ADGRB3: variants seen among roughly 807,000 people sequenced by gnomAD.
ADGRB3 encodes adhesion G protein-coupled receptor B3.
Under a neutral mutation model 193.4 loss-of-function variants are expected in ADGRB3, and 37 were observed. The ratio of observed to expected loss-of-function variants is 0.19; its 90% CI spans 0.15 to 0.25. ADGRB3 has a LOEUF of 0.25. Ranked by LOEUF, ADGRB3 falls within the 10% of genes least tolerant of loss-of-function variation. The pLI is 1.00. For synonymous variants in ADGRB3, 690 were observed against 644.2 expected (o/e 1.07, Z -1.08); for missense variants, 1,637 against 1,852.9 (o/e 0.88, Z 2.14).
chr6:68,639,571 G>A, intron 3 of ADGRB3, 139 bp downstream of exon 3: 1 of 1,218,472 alleles, frequency 8.2e-7, no homozygotes, highest in Non-Finnish European at 1.1e-6. Context: ...GCTATTCACT[G>A]ATAAAGGTCT....
intron 3 of ADGRB3, among the ~76,000 whole-genome samples, chr6:68,649,534 A>T (rs1768297007): frequency 6.6e-6 from 1 of 152,194 alleles, no homozygotes; most frequent in South Asian, 2.1e-4. Flanking sequence ...TTTTGTATAC[A>T]TAATTTAAAC....
chr6:69,385,515 T>TG (rs1770051734), intron 31 of ADGRB3, among the ~76,000 whole-genome samples: 1 of 152,082 alleles, frequency 6.6e-6, no homozygotes, highest in Non-Finnish European at 1.5e-5. Flanking sequence ...TTTCTACTGA[T>TG]GCAGCTTAAG....
intron 17 of ADGRB3, among the ~76,000 whole-genome samples, chr6:69,219,466 T>TACAC (rs1765844090): frequency 1.4e-5 from 1 of 73,302 alleles, no homozygotes; most frequent in Non-Finnish European, 2.5e-5. Context: ...CACACGTATA[T>TACAC]ATATATATAT....
intron 17 of ADGRB3, among the ~76,000 whole-genome samples, chr6:69,124,886 A>ATTTTTTTTT (rs60143202): frequency 1.3e-5 from 2 of 149,406 alleles, no homozygotes; most frequent in Non-Finnish European, 3.0e-5. Context: ...CAGTTTTGCC[A>ATTTTTTTTT]TTTTTTTTTT....
chr6:68,799,150 G>C (rs377149833), intron 3 of ADGRB3, among the ~76,000 whole-genome samples: 1 of 151,886 alleles, frequency 6.6e-6, no homozygotes, highest in Non-Finnish European at 1.5e-5. Flanking sequence ...AGACAAGATA[G>C]GAAATAAGTA....
chr6:68,897,460 G>GGGAGGAAAGGGAGGGAGGGAT (rs1766252317), intron 3 of ADGRB3, among the ~76,000 whole-genome samples: 1 of 64,610 alleles, frequency 1.5e-5, no homozygotes, highest in Non-Finnish European at 3.4e-5. Context: ...GAGGGAGGGA[G>GGGAGGAAAGGGAGGGAGGGAT]GGAGGAAAGG....
rs12210890 is a variant in ADGRB3, at chr6:69,137,429, C to T, written c.2480+61391C>T. ...TGCTGTGGCAAATCAAACACACACA[C>T]GCAAAAACAAATCAATCAGAAGCTT... On this transcript the variant is annotated intron_variant, in intron 17 of 31. Transcript: ENST00000370598. Among the ~76,000 whole-genome samples the T allele has an allele frequency of 2.8e-3, 423 of 151,550 alleles. 1 individual carries two copies. The highest frequency in any genetic ancestry group is 0.013 in the South Asian group (61 of 4,808).
chr6:69,042,966 A>G (rs1771115070), intron 13 of ADGRB3, among the ~76,000 whole-genome samples: 1 of 152,134 alleles, frequency 6.6e-6, no homozygotes, highest in Admixed American at 6.5e-5. Flanking sequence ...TGTTTCCTTT[A>G]ATCAACTGAG....
intron 3 of ADGRB3, among the ~76,000 whole-genome samples, chr6:68,818,463 T>C (rs926333898): frequency 2.0e-5 from 3 of 151,910 alleles, no homozygotes; most frequent in African/African-American, 7.3e-5. Flanking sequence ...ATGAAAGCAA[T>C]GTTGAAGAAT....
At chr6:69,166,746 G>T (rs944712663) in intron 17 of ADGRB3, among the ~76,000 whole-genome samples, 1 of 152,020 alleles carries the variant, frequency 6.6e-6, no homozygotes, top group African/African-American at 2.4e-5. Context: ...AAATACTAGG[G>T]TTGCATCATT....
At chr6:69,009,491 G>A (rs1430514812) in intron 11 of ADGRB3, among the ~76,000 whole-genome samples, 1 of 152,094 alleles carries the variant, frequency 6.6e-6, no homozygotes, top group Non-Finnish European at 1.5e-5. Flanking sequence ...GAAGTCTAAT[G>A]AACTTGGAGT....
At chr6:69,054,635 G>A (rs1459702820) in intron 15 of ADGRB3, among the ~76,000 whole-genome samples, 2 of 152,112 alleles carry the variant, frequency 1.3e-5, no homozygotes, top group African/African-American at 4.8e-5. Flanking sequence ...ATAAAATATT[G>A]TGGTGTTACT....
chr6:69,030,187 A>G (rs1770596123), intron 13 of ADGRB3, among the ~76,000 whole-genome samples: 2 of 152,162 alleles, frequency 1.3e-5, no homozygotes, highest in Non-Finnish European at 2.9e-5. Context: ...TAGTTCAACC[A>G]TTGTGGAAGA....
chr6:68,930,676 C>T lies in ADGRB3; in HGVS notation c.868+7C>T, dbSNP rs749403678. The T allele has an allele frequency of 1.0e-5, 16 of 1,550,140 alleles. No individual in the cohort carries two copies. The highest frequency in any genetic ancestry group is 5.2e-5 in the Admixed American group (3 of 57,910). Reference sequence around the variant, plus strand: ...AAATTTATGGCACAAACTGGTAATACGTTAGTTACATTTTTCTATTTATTG... The same window carrying T: ...AAATTTATGGCACAAACTGGTAATATGTTAGTTACATTTTTCTATTTATTG... On this transcript the variant is annotated splice_region_variant and intron_variant, in intron 4 of 31. Transcript: ENST00000370598.
At chr6:68,928,782 T>TA (rs1342434964) in intron 3 of ADGRB3, among the ~76,000 whole-genome samples, 2 of 152,174 alleles carry the variant, frequency 1.3e-5, no homozygotes, top group Admixed American at 1.3e-4. Flanking sequence ...ATGACTTATG[T>TA]AAACCTGTAC....
chr6:68,700,056 C>T (rs1041650581), intron 3 of ADGRB3, among the ~76,000 whole-genome samples: 2 of 151,940 alleles, frequency 1.3e-5, no homozygotes, highest in Non-Finnish European at 2.9e-5. Flanking sequence ...CCTCCAGGGT[C>T]GAGAGGAGAA....
chr6:69,014,860 A>T (rs1263352051), intron 12 of ADGRB3, among the ~76,000 whole-genome samples: 1 of 151,898 alleles, frequency 6.6e-6, no homozygotes, highest in East Asian at 1.9e-4. Flanking sequence ...AAAAGAATGA[A>T]CATTTACTGA....
chr6:69,235,258 A>G, intron 19 of ADGRB3, 123 bp downstream of exon 19: 1 of 786,310 alleles, frequency 1.3e-6, no homozygotes, highest in Non-Finnish European at 2.1e-6. Flanking sequence ...TTTTTACAAC[A>G]GAGTTATAAT....
intron 3 of ADGRB3, among the ~76,000 whole-genome samples, chr6:68,898,246 G>A (rs1311385922): frequency 6.6e-6 from 1 of 151,940 alleles, no homozygotes; most frequent in Non-Finnish European, 1.5e-5. Context: ...TGATGTCTAA[G>A]GGCAGGAGAA....
Sources: allele counts gnomAD v4.1 joint callset (sites outside exome capture counted in the v4.1 genomes callset), GRCh38; gene constraint gnomAD v4.1.1; transcripts MANE v1.5; gene names NCBI Gene and HGNC (gene_info 2026-07-23, HGNC 2026-07-21).